Variants in SLC16A2 observed in about 807,000 individuals in gnomAD.
SLC16A2 encodes the protein monocarboxylate transporter 8.
Under a neutral mutation model 27.2 loss-of-function variants are expected in SLC16A2, and 3 were observed. That is an observed-to-expected ratio of 0.11 (90% CI 0.05 to 0.28). The LOEUF is 0.28. Among genes scored for constraint, SLC16A2 ranks in the 10% least tolerant of loss-of-function variants. The pLI is 1.00. For missense variants in SLC16A2, 295 were observed against 458.5 expected, an observed-to-expected ratio of 0.64 and a Z score of 3.26; for synonymous variants, 202 against 187.8, an observed-to-expected ratio of 1.08 and a Z score of -0.62.
chrX:74,476,199 C>A (rs766181839), intron 1 of SLC16A2, among the ~76,000 whole-genome samples: 1 of 111,903 alleles, frequency 8.9e-6, no homozygotes, highest in South Asian at 3.8e-4. Context: ...TCCTTCACAT[C>A]CCTTGTAAGT....
At chrX:74,425,242 C>G (rs1928383327) in intron 1 of SLC16A2, among the ~76,000 whole-genome samples, 1 of 111,101 alleles carries the variant, frequency 9.0e-6, no homozygotes, top group Non-Finnish European at 1.9e-5. Context: ...TCAGGCCTTA[C>G]TAGAGCATGC....
At chrX:74,517,232 A>G (rs1453595442) in intron 1 of SLC16A2, among the ~76,000 whole-genome samples, 1 of 112,334 alleles carries the variant, frequency 8.9e-6, no homozygotes, top group African/African-American at 3.2e-5. Flanking sequence ...TCTCTGGACT[A>G]TCTTGGCTAT....
chrX:74,506,933 A>T (rs935721280), intron 1 of SLC16A2, among the ~76,000 whole-genome samples: 34 of 29,950 alleles, frequency 1.1e-3, no homozygotes, highest in Admixed American at 1.9e-3. Flanking sequence ...TTATTTATTT[A>T]TTTATTTTTT....
chrX:74,509,978 G>A (rs991445951), intron 1 of SLC16A2, among the ~76,000 whole-genome samples: 1 of 112,324 alleles, frequency 8.9e-6, no homozygotes, highest in Non-Finnish European at 1.9e-5. Flanking sequence ...TTTTTTATCT[G>A]GTTTTGGTGT....
At chrX:74,473,198 C>T in intron 1 of SLC16A2, 1 of 753,636 alleles carries the variant, frequency 1.3e-6, no homozygotes, top group Non-Finnish European at 2.0e-6. Context: ...TTGTAGCTTC[C>T]ACCACCTCCA....
At chrX:74,488,496 A>G (rs1929763839) in intron 1 of SLC16A2, among the ~76,000 whole-genome samples, 1 of 112,014 alleles carries the variant, frequency 8.9e-6, no homozygotes, top group South Asian at 3.7e-4. Context: ...TCTTGTTTTA[A>G]CCAATTATTT....
chrX:74,490,358 C>T (rs1929802813), intron 1 of SLC16A2, among the ~76,000 whole-genome samples: 1 of 105,761 alleles, frequency 9.5e-6, no homozygotes, highest in South Asian at 4.2e-4. Flanking sequence ...TATTTGTTTC[C>T]CACACTTAAA....
chrX:74,483,162 A>T (rs1215960342), intron 1 of SLC16A2, among the ~76,000 whole-genome samples: 2 of 111,422 alleles, frequency 1.8e-5, no homozygotes, highest in Non-Finnish European at 3.8e-5. Flanking sequence ...AGTCTTGGGC[A>T]TGTACACAGT....
At chrX:74,517,952 T>G (rs749890310) in intron 1 of SLC16A2, among the ~76,000 whole-genome samples, 2 of 112,406 alleles carry the variant, frequency 1.8e-5, no homozygotes, top group Admixed American at 9.4e-5. Flanking sequence ...GTTTCAGTAG[T>G]TCATTCCTGT....
Position 74,524,345 on chromosome X carries a change from T to C in SLC16A2, c.576-14T>C, listed in dbSNP as rs1449874505. 1.7e-6 allele frequency: 2 copies of C among 1,209,172 alleles called. No homozygotes were observed. The highest frequency in any genetic ancestry group is 3.5e-5 in the African/African-American group (2 of 57,568). On this transcript the variant is annotated splice_polypyrimidine_tract_variant and intron_variant, in intron 2 of 5. Coordinates refer to ENST00000587091, the MANE Select transcript of SLC16A2 (RefSeq NM_006517.5). ...TCAGGCTGCTGAGGACAGCTCTTGGTATTTCTCCCACAGCTCCCTAAGCCT... is the reference window on the plus strand; with the variant it reads ...TCAGGCTGCTGAGGACAGCTCTTGGCATTTCTCCCACAGCTCCCTAAGCCT...
intron 1 of SLC16A2, among the ~76,000 whole-genome samples, chrX:74,493,227 G>T (rs144670967): frequency 0.038 from 4,257 of 112,217 alleles, 95 homozygotes; most frequent in Middle Eastern, 0.06. Context: ...GGTGGGAGTA[G>T]GGTGTGCCAC....
At chrX:74,480,921 A>G (rs1929605912) in intron 1 of SLC16A2, among the ~76,000 whole-genome samples, 2 of 112,086 alleles carry the variant, frequency 1.8e-5, no homozygotes. Context: ...AGTTTGTTGA[A>G]TGTTTTTATT....
At position 74,447,493 on chromosome X, in the gene SLC16A2, C is replaced by T. The variant is rs147347102; in HGVS notation, c.430+25426C>T. On this transcript the variant is annotated intron_variant, in intron 1 of 5. Coordinates refer to ENST00000587091, the MANE Select transcript of SLC16A2 (RefSeq NM_006517.5). ...TTCAAGACCAGCCTGGACAATATAG[C>T]GAGACCCTGTCTCTACAAAAAAATT... Among the ~76,000 whole-genome samples, 74 of 109,967 alleles carry T rather than the reference C, an allele frequency of 6.7e-4. No homozygotes were observed. In the East Asian group the frequency reaches 0.013, roughly 19 times the overall value.
intron 1 of SLC16A2, among the ~76,000 whole-genome samples, chrX:74,430,812 G>A (rs1268077727): frequency 1.8e-5 from 2 of 112,417 alleles, no homozygotes; most frequent in Non-Finnish European, 3.8e-5. Context: ...CACGATCTTC[G>A]CTCATTGCAG....
chrX:74,427,848 C>A (rs779569239), intron 1 of SLC16A2, among the ~76,000 whole-genome samples: 44 of 109,676 alleles, frequency 4.0e-4, no homozygotes, highest in African/African-American at 1.4e-3. Flanking sequence ...CACACCCATA[C>A]CCTACACCCT....
chrX:74,473,467 A>C, intron 1 of SLC16A2: 1 of 545,434 alleles, frequency 1.8e-6, no homozygotes, highest in East Asian at 3.3e-5. Context: ...TGACAGTCTT[A>C]TCCATGGAGT....
intron 1 of SLC16A2, among the ~76,000 whole-genome samples, chrX:74,452,019 G>A (rs979065529): frequency 1.6e-4 from 18 of 112,675 alleles, no homozygotes; most frequent in African/African-American, 5.8e-4. Context: ...ATGACTGTCC[G>A]CTATCAGAGC....
Position 74,437,262 on chromosome X carries a change from C to T in SLC16A2, c.430+15195C>T, listed in dbSNP as rs142113801. 4.8e-3 allele frequency among the ~76,000 whole-genome samples: 541 copies of T among 112,304 alleles called. 2 individuals are homozygous for T. The highest frequency in any genetic ancestry group is 0.016 in the African/African-American group (507 of 30,924). ...CTGGAAGTCCAAATAAGGCCCCCTG[C>T]AGGAAGCTCTAAACATTAGCAAGTT... On this transcript the variant is annotated intron_variant, in intron 1 of 5. Transcript: ENST00000587091.
intron 1 of SLC16A2, among the ~76,000 whole-genome samples, chrX:74,424,389 A>G (rs1173341959): frequency 9.0e-6 from 1 of 111,273 alleles, no homozygotes; most frequent in Non-Finnish European, 1.9e-5. Context: ...TGGAGCTCCT[A>G]GAAAATCTCA....
Sources: allele counts gnomAD v4.1 joint callset (sites outside exome capture counted in the v4.1 genomes callset), GRCh38; gene constraint gnomAD v4.1.1; transcripts MANE v1.5; gene names NCBI Gene and HGNC (gene_info 2026-07-23, HGNC 2026-07-21).